SH3BGRL2: variants seen among roughly 807,000 people sequenced by gnomAD.
SH3BGRL2 encodes the protein SH3 domain-binding glutamic acid-rich-like protein 2.
In SH3BGRL2, 21 loss-of-function variants were observed where a neutral mutation model predicts 14.8. The observed-to-expected ratio is 1.42, with a 90% CI of 1.01 to 2.05. SH3BGRL2 has a LOEUF of 2.05. SH3BGRL2 is among the 30% of genes most tolerant of loss of function. The probability of loss-of-function intolerance (pLI) is 0.00; values close to 1 mark genes in which losing one functional copy is unlikely to be tolerated. For missense variants in SH3BGRL2, 147 were observed against 130.8 expected (o/e 1.12, Z -0.61); for synonymous variants, 50 against 47.8 (o/e 1.05, Z -0.19).
chr6:79,651,535 A>G (rs950740995), intron 1 of SH3BGRL2, among the ~76,000 whole-genome samples: 5 of 152,148 alleles, frequency 3.3e-5, no homozygotes, highest in Non-Finnish European at 5.9e-5. Context: ...TTTAATGCAG[A>G]CTAAAAGTAG....
the SH3BGRL2 span, among the ~76,000 whole-genome samples, chr6:79,569,098 G>A: frequency 5.3e-5 from 8 of 152,252 alleles, no homozygotes; most frequent in East Asian, 1.9e-4. Flanking sequence ...ATACATGTAC[G>A]ATGTACATTG....
rs1770495429 is a variant in SH3BGRL2 at position 79,702,954 on chromosome 6, G to C, written c.*3445G>C. The C allele has an allele frequency of 6.6e-6, 1 of 152,252 alleles. No individual in the cohort carries two copies. The highest frequency in any genetic ancestry group is 2.4e-5 in the African/African-American group (1 of 41,458). The allele number at this position is 152,252 out of a possible 1,614,324, so 9.4% of individuals were successfully genotyped here. ...AACAGTATTTCTGAAGGCATTGTTT[G>C]AGGTTGATCTCAGCACTGAACGATT... On this transcript the variant is annotated 3_prime_UTR_variant, in exon 4 of 4. Transcript: ENST00000369838.
At chr6:79,668,662 A>G (rs1007172515) in intron 1 of SH3BGRL2, among the ~76,000 whole-genome samples, 7 of 152,104 alleles carry the variant, frequency 4.6e-5, no homozygotes, top group African/African-American at 1.7e-4. Context: ...ATTCAGGGAA[A>G]TACCCTGAAT....
chr6:79,564,442 T>A, the SH3BGRL2 span, among the ~76,000 whole-genome samples: 2 of 152,120 alleles, frequency 1.3e-5, no homozygotes, highest in Non-Finnish European at 2.9e-5. Context: ...ATTCTGTGTC[T>A]TTTACTACTT....
At chr6:79,591,742 T>C in the SH3BGRL2 span, among the ~76,000 whole-genome samples, 1 of 152,188 alleles carries the variant, frequency 6.6e-6, no homozygotes, top group African/African-American at 2.4e-5. Context: ...AAGGAGTTGG[T>C]TGAAATTGGA....
intron 2 of SH3BGRL2, among the ~76,000 whole-genome samples, chr6:79,693,028 T>A (rs565171084): frequency 6.6e-6 from 1 of 152,192 alleles, no homozygotes; most frequent in East Asian, 1.9e-4. Flanking sequence ...CCTCCTTTAT[T>A]TCATTGAGCA....
the SH3BGRL2 span, among the ~76,000 whole-genome samples, chr6:79,590,108 C>G: frequency 5.3e-5 from 8 of 151,932 alleles, no homozygotes; most frequent in East Asian, 1.9e-4. Context: ...GTAGCATCTG[C>G]AAAACCAGTC....
the SH3BGRL2 span, among the ~76,000 whole-genome samples, chr6:79,556,099 GATAAA>G: frequency 2.0e-4 from 30 of 151,646 alleles, no homozygotes; most frequent in Middle Eastern, 3.4e-3. Flanking sequence ...CAAAAAGGAA[GATAAA>G]ATAAAAGCAA....
At chr6:79,612,078 A>T in the SH3BGRL2 span, among the ~76,000 whole-genome samples, 1 of 152,072 alleles carries the variant, frequency 6.6e-6, no homozygotes, top group South Asian at 2.1e-4. Context: ...CTGGATAATC[A>T]TGAGGTCAGG....
At chr6:79,695,785 A>G (rs1212856459) in intron 2 of SH3BGRL2, among the ~76,000 whole-genome samples, 4 of 152,200 alleles carry the variant, frequency 2.6e-5, no homozygotes, top group Non-Finnish European at 5.9e-5. Flanking sequence ...AAGTTATCAA[A>G]TTACCAAATT....
At chr6:79,680,427 A>G (rs1244716086) in intron 2 of SH3BGRL2, among the ~76,000 whole-genome samples, 1 of 152,154 alleles carries the variant, frequency 6.6e-6, no homozygotes, top group African/African-American at 2.4e-5. Context: ...GTTCTGTGCT[A>G]TTAGTCTATA....
At chr6:79,652,612 C>A (rs1769318177) in intron 1 of SH3BGRL2, among the ~76,000 whole-genome samples, 1 of 151,960 alleles carries the variant, frequency 6.6e-6, no homozygotes, top group African/African-American at 2.4e-5. Flanking sequence ...CGGTGCCTGA[C>A]ATCTTAGGCC....
chr6:79,683,706 C>G (rs1226896121), intron 2 of SH3BGRL2, among the ~76,000 whole-genome samples: 1 of 152,180 alleles, frequency 6.6e-6, no homozygotes, highest in Non-Finnish European at 1.5e-5. Flanking sequence ...CTTGGCCTCC[C>G]AAAGTGCTGG....
intron 1 of SH3BGRL2, among the ~76,000 whole-genome samples, chr6:79,659,120 C>T (rs571237013): frequency 1.1e-4 from 17 of 152,090 alleles, no homozygotes; most frequent in South Asian, 4.2e-4. Context: ...TTTCTTTTGC[C>T]GTGCAGAAGC....
chr6:79,589,674 GT>G, the SH3BGRL2 span, among the ~76,000 whole-genome samples: 1 of 152,128 alleles, frequency 6.6e-6, no homozygotes. Flanking sequence ...GTTCAATATT[GT>G]TTAGTGCTTC....
the SH3BGRL2 span, among the ~76,000 whole-genome samples, chr6:79,617,206 A>G: frequency 6.6e-6 from 1 of 152,108 alleles, no homozygotes; most frequent in Non-Finnish European, 1.5e-5. Context: ...AAAGAAAAAA[A>G]AAAGAAAAGA....
chr6:79,618,940 T>C, the SH3BGRL2 span, among the ~76,000 whole-genome samples: 2 of 61,390 alleles, frequency 3.3e-5, no homozygotes, highest in African/African-American at 1.1e-4. Flanking sequence ...AAACAGTAAG[T>C]GTACTGTGTT....
chr6:79,541,393 T>A, the SH3BGRL2 span, among the ~76,000 whole-genome samples: 1 of 152,220 alleles, frequency 6.6e-6, no homozygotes, highest in Non-Finnish European at 1.5e-5. Context: ...AAAAATCTAG[T>A]AGACCTAGCT....
At chr6:79,646,097 C>A (rs535844620) in intron 1 of SH3BGRL2, among the ~76,000 whole-genome samples, 1 of 152,214 alleles carries the variant, frequency 6.6e-6, no homozygotes, top group East Asian at 1.9e-4. Flanking sequence ...TTATTTCTAC[C>A]CACTGGGTGC....
Sources: allele counts gnomAD v4.1 joint callset (sites outside exome capture counted in the v4.1 genomes callset), GRCh38; gene constraint gnomAD v4.1.1; transcripts MANE v1.5; gene names NCBI Gene and HGNC (gene_info 2026-07-23, HGNC 2026-07-21).